The following SMARCD3 variants were observed in gnomAD, a reference collection of about 807,000 sequenced individuals.
SMARCD3 encodes the protein SWI/SNF-related matrix-associated actin-dependent regulator of chromatin subfamily D member 3.
Under a neutral mutation model 58.0 loss-of-function variants are expected in SMARCD3, and 14 were observed. The observed-to-expected ratio is 0.24, with a 90% CI of 0.16 to 0.38. SMARCD3 has a LOEUF of 0.38. Ranked by LOEUF, SMARCD3 falls within the 10% of genes least tolerant of loss-of-function variation. The pLI is 1.00. For missense variants in SMARCD3, 408 were observed against 636.9 expected, an observed-to-expected ratio of 0.64 and a Z score of 3.87; for synonymous variants, 253 against 253.8, an observed-to-expected ratio of 1.00 and a Z score of 0.03.
intron 2 of SMARCD3, among the ~76,000 whole-genome samples, chr7:151,262,012 T>C (rs1584891371): frequency 6.6e-6 from 1 of 151,634 alleles, no homozygotes; most frequent in African/African-American, 2.4e-5. Context: ...AACTGAGCTG[T>C]GGGGGCTGCA....
intron 2 of SMARCD3, among the ~76,000 whole-genome samples, chr7:151,263,367 G>A (rs1803978991): frequency 6.6e-6 from 1 of 152,028 alleles, no homozygotes; most frequent in Non-Finnish European, 1.5e-5. Context: ...GGGAGAGAGA[G>A]GCAGGATGTC....
At position 151,242,105 on chromosome 7, in the gene SMARCD3, C is replaced by A; in HGVS notation, c.675+32G>T. The A allele has an allele frequency of 6.4e-7, 1 of 1,565,394 alleles. No individual in the cohort carries two copies. The highest frequency in any genetic ancestry group is 8.8e-7 in the Non-Finnish European group (1 of 1,135,664). Reference sequence around the variant, plus strand: ...GGGATTCTGGCCTGTGGGAGGGTGGCAATTCAAGGGCGGAGGGGCTCTTGG... The same window carrying A: ...GGGATTCTGGCCTGTGGGAGGGTGGAAATTCAAGGGCGGAGGGGCTCTTGG... On this transcript the variant is annotated intron_variant, in intron 6 of 12. Transcript: ENST00000262188. This position sits in a 1 kb window ranked among gnomAD's most constrained non-coding sequence, Gnocchi z 4.7.
chr7:151,240,901 A>G lies in SMARCD3; in HGVS notation c.940-379T>C, dbSNP rs1336957026. On this transcript the variant is annotated intron_variant, in intron 8 of 12. Coordinates refer to ENST00000262188, the MANE Select transcript of SMARCD3 (RefSeq NM_001003801.2). ...GGCTGCCGTGAGAAGTCAGTGAACT[A>G]ATACACATAAAGTGCTTGGGACAGT... The G allele has an allele frequency of 2.2e-5, 6 of 277,032 alleles. No individual in the cohort carries two copies. In the East Asian group the frequency reaches 4.6e-4, roughly 21 times the overall value. The allele number at this position is 277,032 out of a possible 1,614,324, so 17.2% of individuals were successfully genotyped here. A position where few individuals can be genotyped will look rare whatever the true frequency, so the allele number is the denominator to read the frequency against.
chr7:151,259,310 C>T (rs936891713), intron 2 of SMARCD3, among the ~76,000 whole-genome samples: 12 of 150,694 alleles, frequency 8.0e-5, no homozygotes, highest in Non-Finnish European at 1.8e-4. Context: ...TGAGATCACA[C>T]CACTGCACTC....
At chr7:151,251,916 TCGGGCCGGCCCGGCC>T (rs1803530300), upstream of SMARCD3, among the ~76,000 whole-genome samples, 1 of 145,044 alleles carries the variant, frequency 6.9e-6, no homozygotes, top group Admixed American at 6.8e-5. Context: ...CTGGGGGGGC[TCGGGCCGGCCCGGCC>T]CGCGCCGCCC....
Position 151,245,622 on chromosome 7 carries a change from A to T in SMARCD3, c.128T>A (p.Met43Lys). 2 of 1,129,036 alleles carry T rather than the reference A, an allele frequency of 1.8e-6. No individual in the cohort carries two copies. Among genetic ancestry groups the T allele is most frequent in the Non-Finnish European group, 2.2e-6 (2 of 909,760 alleles). 69.9% of individuals were successfully genotyped at this position (1,129,036 alleles called of 1,614,324 possible). A position where few individuals can be genotyped will look rare whatever the true frequency, so the allele number is the denominator to read the frequency against. Residue 43 changes from methionine (M) to lysine (K), a missense_variant, in exon 2 of 13, where the codon ATG becomes AAG. Met to Lys is a moderately conservative substitution (Grantham distance 95). This residue lies in a region of SMARCD3 where 84 missense variants were observed against 81.2 expected (regional missense o/e 1.03). Transcript: ENST00000262188. This position sits in a 1 kb window ranked among gnomAD's most constrained non-coding sequence, Gnocchi z 6.2. ...CATGTACGGGGAGCCCGGGGGGCCC[A>T]TGGGCGCCCCCTGGTGGGGCATCCG... ...GARMPHQGAP[M>K]GPPGSPYMGS...
rs568978913 is a variant in SMARCD3, at chr7:151,259,022, T to C, written c.40-13351A>G. 5.3e-4 allele frequency among the ~76,000 whole-genome samples: 81 copies of C among 152,156 alleles called. 2 individuals are homozygous for C. In the South Asian group the frequency reaches 0.017, roughly 32 times the overall value. On this transcript the variant is annotated intron_variant, in intron 2 of 13. Transcript: ENST00000356800. ...CACCCTTCTATATCATCTACTCCCT[T>C]ACATTGATGCCTAACTTTTCTTTTT... is the stretch of plus-strand genomic sequence containing the variant.
At chr7:151,266,000 C>T (rs1327955950) in intron 2 of SMARCD3, among the ~76,000 whole-genome samples, 1 of 152,132 alleles carries the variant, frequency 6.6e-6, no homozygotes, top group Non-Finnish European at 1.5e-5. Flanking sequence ...TACGGAGTCT[C>T]ACTCTGTTGC....
upstream of SMARCD3, among the ~76,000 whole-genome samples, chr7:151,252,820 C>G (rs1803571574): frequency 6.6e-6 from 1 of 152,188 alleles, no homozygotes; most frequent in Non-Finnish European, 1.5e-5. Context: ...TGTGCGCTTC[C>G]CTGTTTGTGT....
At chr7:151,252,962 C>A (rs1205036749), upstream of SMARCD3, among the ~76,000 whole-genome samples, 4 of 152,182 alleles carry the variant, frequency 2.6e-5, no homozygotes, top group Non-Finnish European at 5.9e-5. Flanking sequence ...AAGCAAAAAA[C>A]AAAGAAAAAC....
In SMARCD3 at chr7:151,240,088, T is replaced by A. The variant is rs185286729; in HGVS notation, c.1173+24A>T. ...TATCATCTCTGGGTTAATGTCCCAC[T>A]CCAGCTCTGGGCTTGGGCCCCACCT... is the stretch of plus-strand genomic sequence containing the variant. On this transcript the variant is annotated intron_variant, in intron 10 of 12. Coordinates refer to ENST00000262188, the MANE Select transcript of SMARCD3 (RefSeq NM_001003801.2). 4.7e-5 allele frequency: 76 copies of A among 1,603,256 alleles called. 1 individual carries two copies. The East Asian group carries it at 1.7e-3, about 36-fold the overall frequency.
upstream of SMARCD3, among the ~76,000 whole-genome samples, chr7:151,251,388 G>C (rs1803504102): frequency 6.6e-6 from 1 of 152,180 alleles, no homozygotes; most frequent in Non-Finnish European, 1.5e-5. Context: ...TGCACACACA[G>C]GCACACCTTG....
chr7:151,242,080 G>T lies in SMARCD3; in HGVS notation c.675+57C>A, dbSNP rs1803020330. The T allele has an allele frequency of 3.2e-6, 5 of 1,546,584 alleles. No individual in the cohort carries two copies. The highest frequency in any genetic ancestry group is 4.5e-6 in the Non-Finnish European group (5 of 1,118,854). On this transcript the variant is annotated intron_variant, in intron 6 of 12. Coordinates refer to ENST00000262188, the MANE Select transcript of SMARCD3 (RefSeq NM_001003801.2). The surrounding 1 kb of genome is among the most constrained non-coding windows in gnomAD (Gnocchi z 4.7). ...GACCCAAATCTGTGCTGGTTCTTCA[G>T]GGATTCTGGCCTGTGGGAGGGTGGC... is the stretch of plus-strand genomic sequence containing the variant.
chr7:151,249,335 A>C (rs1803430895), upstream of SMARCD3: 2 of 152,024 alleles, frequency 1.3e-5, no homozygotes, highest in Non-Finnish European at 2.9e-5. The surrounding 1 kb of genome is among the most constrained non-coding windows in gnomAD (Gnocchi z 4.8). Flanking sequence ...GTGGCGTGGC[A>C]GCTTATGTGC....
chr7:151,239,316 A>G lies in SMARCD3; in HGVS notation c.1398+80T>C. The G allele has an allele frequency of 7.4e-7, 1 of 1,350,836 alleles. No individual in the cohort carries two copies. The highest frequency in any genetic ancestry group is 1.1e-6 in the Non-Finnish European group (1 of 942,562). 83.7% of individuals were successfully genotyped at this position (1,350,836 alleles called of 1,614,324 possible). On this transcript the variant is annotated intron_variant, in intron 12 of 12. Coordinates refer to ENST00000262188, the MANE Select transcript of SMARCD3 (RefSeq NM_001003801.2). This position sits in a 1 kb window ranked among gnomAD's most constrained non-coding sequence, Gnocchi z 7.0. ...TGAAGCTTTACTGTGGGGAGCTGCG[A>G]GGGCTGCCCACAAGCTGAACAGGGA...
At position 151,248,583 on chromosome 7, in the gene SMARCD3, C is replaced by T; in HGVS notation, c.-21G>A. On this transcript the variant is annotated 5_prime_UTR_variant, in exon 1 of 13. Transcript: ENST00000262188. This position sits in a 1 kb window ranked among gnomAD's most constrained non-coding sequence, Gnocchi z 6.1. ...GCCATCGGGGTGGGCTCAGCGGCTC[C>T]TCTCACTCTCTCTCTCTCTTCCTCT... The T allele has an allele frequency of 4.3e-6, 7 of 1,613,392 alleles. No homozygotes were observed. The highest frequency in any genetic ancestry group is 1.1e-5 in the South Asian group (1 of 91,062).
upstream of SMARCD3, among the ~76,000 whole-genome samples, chr7:151,250,105 C>T (rs1369067763): frequency 6.6e-6 from 1 of 152,080 alleles, no homozygotes; most frequent in Non-Finnish European, 1.5e-5. Context: ...TGACCCTAAA[C>T]CCTTCAGAAT....
At chr7:151,252,114 A>C (rs1391355590), upstream of SMARCD3, among the ~76,000 whole-genome samples, 1 of 151,966 alleles carries the variant, frequency 6.6e-6, no homozygotes, top group Non-Finnish European at 1.5e-5. Context: ...ATGGCCACCT[A>C]GGCCGGGCCC....
chr7:151,260,534 C>T (rs1389838023), intron 2 of SMARCD3, among the ~76,000 whole-genome samples: 1 of 152,040 alleles, frequency 6.6e-6, no homozygotes, highest in Non-Finnish European at 1.5e-5. Flanking sequence ...TGGAACAAGC[C>T]CCTTGCTCCT....
Sources: gnomAD v4.1 joint callset for allele counts (sites outside exome capture counted in the v4.1 genomes callset) on GRCh38, gnomAD v4.1.1 for gene constraint, gnomAD v4.1.1 regional missense constraint, Gnocchi (gnomAD v3.1) non-coding constraint, MANE v1.5 for transcripts, NCBI Gene and HGNC (gene_info 2026-07-23, HGNC 2026-07-21) for gene names.